The following DHX9 variants were observed in gnomAD, a reference collection of about 807,000 sequenced individuals.
DHX9 encodes DExH-box helicase 9, also known as ATP-dependent RNA helicase A.
Under a neutral mutation model 148.7 loss-of-function variants are expected in DHX9, and 27 were observed. The ratio of observed to expected loss-of-function variants is 0.18; its 90% CI spans 0.13 to 0.25. The LOEUF (loss-of-function observed/expected upper bound fraction) is 0.25. Among genes scored for constraint, DHX9 ranks in the 10% least tolerant of loss-of-function variants. The pLI is 1.00. For missense variants in DHX9, 796 were observed against 1,559.6 expected, an observed-to-expected ratio of 0.51 and a Z score of 8.25; for synonymous variants, 529 against 516.6, an observed-to-expected ratio of 1.02 and a Z score of -0.33.
At chr1:182,848,265 C>T (rs1668068272) in intron 3 of DHX9, among the ~76,000 whole-genome samples, 2 of 152,298 alleles carry the variant, frequency 1.3e-5, no homozygotes, top group South Asian at 2.1e-4. Context: ...ACCATTTTGT[C>T]CCCTCAAGGG....
chr1:182,854,143 A>G lies in DHX9; in HGVS notation c.591A>G (p.Glu197=), dbSNP rs371961621. 7 of 1,613,500 alleles carry G rather than the reference A, an allele frequency of 4.3e-6. No homozygotes were observed. Among genetic ancestry groups the G allele is most frequent in the Non-Finnish European group, 5.9e-6 (7 of 1,179,750 alleles). Residue 197 remains glutamate, a synonymous_variant, in exon 6 of 28, where the codon GAA becomes GAG. Transcript: ENST00000367549. ...QYFQKEKIQG[E]YKYTQVGPDH... is the part of the protein sequence containing the mutation. ...TTCAGAAAGAAAAGATCCAAGGAGA[A>G]TATAAGTACACCCAAGTGGGTCCTG...
At position 182,850,835 on chromosome 1, in the gene DHX9, C is replaced by G. The variant is rs577336543; in HGVS notation, c.253-1398C>G. Among the ~76,000 whole-genome samples the G allele has an allele frequency of 2.4e-4, 37 of 152,296 alleles. 1 individual carries two copies. The highest frequency in any genetic ancestry group is 2.3e-3 in the Admixed American group (35 of 15,304). On this transcript the variant is annotated intron_variant, in intron 3 of 27. Transcript: ENST00000367549. ...CCAAGATTATGCACTGTGACACTTT[C>G]AATACTCTTATACCTCACCTATTTT...
chr1:182,851,115 C>T (rs1329485652), intron 3 of DHX9, among the ~76,000 whole-genome samples: 1 of 152,166 alleles, frequency 6.6e-6, no homozygotes, highest in Non-Finnish European at 1.5e-5. Flanking sequence ...TGAATAGGTT[C>T]TACTTTGTCT....
At chr1:182,858,479 T>C in intron 8 of DHX9, 72 bp from the exon 9 acceptor site, 1 of 1,315,802 alleles carries the variant, frequency 7.6e-7, no homozygotes, top group Non-Finnish European at 1.1e-6. Context: ...AGACCTAGTG[T>C]TGACTGTATA....
chr1:182,884,062 AG>A (rs1649209694), intron 26 of DHX9, among the ~76,000 whole-genome samples: 1 of 152,178 alleles, frequency 6.6e-6, no homozygotes. Context: ...ACTTGGGCTC[AG>A]GAAGTTCAAG....
At chr1:182,879,000 A>G (rs542608592) in intron 20 of DHX9, among the ~76,000 whole-genome samples, 9 of 152,364 alleles carry the variant, frequency 5.9e-5, no homozygotes, top group South Asian at 4.1e-4. Context: ...GCGATTTTGG[A>G]TAATTTTTTC....
At chr1:182,849,835 CTG>C (rs919555217) in intron 3 of DHX9, among the ~76,000 whole-genome samples, 11 of 151,964 alleles carry the variant, frequency 7.2e-5, no homozygotes, top group African/African-American at 2.4e-4. Context: ...GTCTTTTCCT[CTG>C]TGTTTGTTAA....
chr1:182,848,290 A>T (rs545833998), intron 3 of DHX9, among the ~76,000 whole-genome samples: 5 of 152,220 alleles, frequency 3.3e-5, no homozygotes, highest in African/African-American at 1.2e-4. Context: ...TTGGGGATGT[A>T]TGGAGATATT....
At chr1:182,843,026 G>A (rs909351071) in intron 2 of DHX9, among the ~76,000 whole-genome samples, 10 of 152,080 alleles carry the variant, frequency 6.6e-5, no homozygotes, top group African/African-American at 2.2e-4. Flanking sequence ...TGGAGAGCTT[G>A]TTCATGGATA....
rs961160502 is a variant in DHX9, at chr1:182,884,721, G to T, written c.3369G>T (p.Gln1123His). 4.3e-6 allele frequency: 7 copies of T among 1,614,022 alleles called. No individual in the cohort carries two copies. The highest frequency in any genetic ancestry group is 5.9e-6 in the Non-Finnish European group (7 of 1,180,034). ...CCAAACAACCTGCTATCATCAGCCAGTTGGACCCCGTAAATGAACGTATGC... is the reference window on the plus strand; with the variant it reads ...CCAAACAACCTGCTATCATCAGCCATTTGGACCCCGTAAATGAACGTATGC... ...EVTKQPAIIS[Q>H]LDPVNERMLN... Residue 1123 changes from glutamine to histidine, a missense_variant, in exon 27 of 28, where the codon CAG becomes CAT. Physicochemically the swap from Gln to His is conservative, Grantham distance 24. Coordinates refer to ENST00000367549, the MANE Select transcript of DHX9 (RefSeq NM_001357.5).
intron 5 of DHX9, among the ~76,000 whole-genome samples, chr1:182,853,640 A>G (rs954071945): frequency 1.3e-5 from 2 of 152,184 alleles, no homozygotes; most frequent in East Asian, 1.9e-4. Flanking sequence ...TTTTCTTGGT[A>G]GTAATAAAAA....
chr1:182,872,281 A>G, intron 14 of DHX9, 56 bp from the exon 15 acceptor site: 6 of 1,461,682 alleles, frequency 4.1e-6, no homozygotes, highest in Non-Finnish European at 4.7e-6. Context: ...TTTTAGGCAT[A>G]GCTTGTTATA....
chr1:182,879,176 C>G, intron 20 of DHX9, 74 bp from the exon 21 acceptor site: 1 of 1,259,688 alleles, frequency 7.9e-7, no homozygotes, highest in South Asian at 2.5e-5. Context: ...TCCCTGATTA[C>G]CTTGCTGCAA....
intron 1 of DHX9, among the ~76,000 whole-genome samples, chr1:182,842,247 C>T (rs1266454331): frequency 6.6e-6 from 1 of 152,096 alleles, no homozygotes; most frequent in African/African-American, 2.4e-5. Context: ...ATATAAAATA[C>T]TTTGTAAGAA....
intron 12 of DHX9, among the ~76,000 whole-genome samples, chr1:182,861,559 AG>A (rs1668364530): frequency 6.6e-6 from 1 of 152,164 alleles, no homozygotes; most frequent in Non-Finnish European, 1.5e-5. Context: ...TAATCTCAAA[AG>A]CAGTTGTGGC....
intron 21 of DHX9, among the ~76,000 whole-genome samples, chr1:182,880,196 T>TA (rs1317639895): frequency 6.6e-6 from 1 of 152,240 alleles, no homozygotes; most frequent in African/African-American, 2.4e-5. Flanking sequence ...TCAGACTTCT[T>TA]ATGGCATGTA....
intron 7 of DHX9, among the ~76,000 whole-genome samples, chr1:182,857,756 T>C (rs781252821): frequency 3.9e-5 from 6 of 152,256 alleles, no homozygotes; most frequent in African/African-American, 9.6e-5. Flanking sequence ...TTACTTTTAC[T>C]GGTTTATTTT....
intron 16 of DHX9, 74 bp from the exon 17 acceptor site, chr1:182,875,976 C>A: frequency 8.8e-7 from 1 of 1,141,690 alleles, no homozygotes; most frequent in Non-Finnish European, 1.3e-6. Flanking sequence ...ATTAGAGTCA[C>A]TAGAAGAAAT....
rs1256621788 is a variant in DHX9 at position 182,887,134 on chromosome 1, C to T, written c.3513C>T (p.Ser1171=). Residue 1171 remains serine (S), a synonymous_variant, in exon 28 of 28, where the codon AGC becomes AGT. Coordinates refer to ENST00000367549, the MANE Select transcript of DHX9 (RefSeq NM_001357.5). ...AGATGGCCCGATACGACAATGGAAG[C>T]GGATATAGAAGGGGAGGTTCTAGTT... The part of the protein sequence containing the change: ...PPKMARYDNG[S]GYRRGGSSYS... The T allele has an allele frequency of 7.4e-6, 12 of 1,614,128 alleles. No homozygotes were observed. The highest frequency in any genetic ancestry group is 5.0e-5 in the Admixed American group (3 of 60,016).
Sources: allele counts gnomAD v4.1 joint callset (sites outside exome capture counted in the v4.1 genomes callset), GRCh38; gene constraint gnomAD v4.1.1; transcripts MANE v1.5; gene names NCBI Gene and HGNC (gene_info 2026-07-23, HGNC 2026-07-21).